The following CTNNA3 variants were observed in gnomAD, a reference collection of about 807,000 sequenced individuals.
CTNNA3 encodes the protein catenin alpha-3.
CTNNA3 carries 76 observed loss-of-function variants against 95.7 expected under a neutral mutation model. The ratio of observed to expected loss-of-function variants is 0.79; its 90% CI spans 0.66 to 0.96. CTNNA3 has a LOEUF of 0.96. CTNNA3 is among the 40% of genes least tolerant of loss of function. The pLI, the probability that CTNNA3 is intolerant of heterozygous loss-of-function variation, is 0.00. For missense variants in CTNNA3, 1,191 were observed against 1,089.8 expected (o/e 1.09, Z -1.31); for synonymous variants, 431 against 374.4 (o/e 1.15, Z -1.74).
chr10:66,267,061 G>A (rs868071697), intron 13 of CTNNA3, among the ~76,000 whole-genome samples: 14 of 151,780 alleles, frequency 9.2e-5, no homozygotes, highest in African/African-American at 2.4e-4. Flanking sequence ...AATATTAGGC[G>A]GCTTAAGGCA....
rs770328899 is a variant in CTNNA3 at position 65,920,163 on chromosome 10, T to G, written c.*167A>C. On this transcript the variant is annotated 3_prime_UTR_variant, in exon 18 of 18. Transcript: ENST00000433211. ...TGACCATACAGAAATGACAGTGATA[T>G]GATCCCAAATATATATTGCTTTTGT... 3.2e-6 allele frequency: 2 copies of G among 616,732 alleles called. No homozygotes were observed. The highest frequency in any genetic ancestry group is 2.0e-5 in the South Asian group (1 of 49,280). 38.2% of individuals were successfully genotyped at this position (616,732 alleles called of 1,614,324 possible).
At chr10:66,495,216 A>G (rs1401242539) in intron 11 of CTNNA3, among the ~76,000 whole-genome samples, 1 of 152,218 alleles carries the variant, frequency 6.6e-6, no homozygotes, top group Non-Finnish European at 1.5e-5. Flanking sequence ...TGGCTAGCCC[A>G]TAAACTCTCA....
chr10:67,473,192 A>T (rs1847890181), intron 5 of CTNNA3, among the ~76,000 whole-genome samples: 1 of 152,192 alleles, frequency 6.6e-6, no homozygotes. Flanking sequence ...TCTGGCTAAG[A>T]TCATCCTTTT....
intron 9 of CTNNA3, among the ~76,000 whole-genome samples, chr10:66,644,280 GTCTGTCTGTCTGTC>G (rs1289473829): frequency 2.1e-5 from 2 of 96,438 alleles, no homozygotes; most frequent in African/African-American, 5.1e-5. Flanking sequence ...CTGTCTGTCT[GTCTGTCTGTCTGTC>G]TCTCTCTCTC....
intron 1 of CTNNA3, among the ~76,000 whole-genome samples, chr10:67,660,563 T>A (rs1194561860): frequency 6.6e-6 from 1 of 152,194 alleles, no homozygotes; most frequent in East Asian, 1.9e-4. Flanking sequence ...TGAGGTTGAA[T>A]GCAATTTCTC....
chr10:67,118,271 C>A (rs1169631212), intron 7 of CTNNA3, among the ~76,000 whole-genome samples: 1 of 151,880 alleles, frequency 6.6e-6, no homozygotes. Context: ...TGTGGTTTCC[C>A]AAACCACATG....
intron 7 of CTNNA3, among the ~76,000 whole-genome samples, chr10:66,794,175 G>GA (rs5785788): frequency 0.25 from 37,413 of 151,898 alleles, 5,323 homozygotes; most frequent in African/African-American, 0.4. Context: ...ATGTAAATAA[G>GA]CCCCACAAAA....
chr10:67,594,759 G>A (rs1842888557), intron 3 of CTNNA3, among the ~76,000 whole-genome samples: 1 of 151,966 alleles, frequency 6.6e-6, no homozygotes. Flanking sequence ...GAGTTTTGGA[G>A]GAACAGGTGG....
chr10:66,040,368 A>G (rs1486005298), intron 15 of CTNNA3, among the ~76,000 whole-genome samples: 1 of 152,132 alleles, frequency 6.6e-6, no homozygotes, highest in Non-Finnish European at 1.5e-5. Context: ...CAGCAATTCC[A>G]TTACTGGGTA....
intron 12 of CTNNA3, among the ~76,000 whole-genome samples, chr10:66,339,908 C>T (rs1429468624): frequency 1.3e-5 from 2 of 151,768 alleles, no homozygotes; most frequent in African/African-American, 4.8e-5. Context: ...CCATAATTTG[C>T]TGGATTTATC....
At chr10:67,274,741 T>G (rs1589115826) in intron 5 of CTNNA3, among the ~76,000 whole-genome samples, 3 of 152,146 alleles carry the variant, frequency 2.0e-5, no homozygotes, top group Admixed American at 2.0e-4. Context: ...GATAAGAGGA[T>G]TCCTTGAGCC....
At chr10:67,189,139 CAACA>C (rs762663400) in intron 6 of CTNNA3, among the ~76,000 whole-genome samples, 3 of 121,960 alleles carry the variant, frequency 2.5e-5, no homozygotes, top group Non-Finnish European at 4.7e-5. Flanking sequence ...ACAACAACAA[CAACA>C]AAAAAAAAAA....
chr10:67,630,041 A>T (rs1839090197), intron 2 of CTNNA3, among the ~76,000 whole-genome samples: 1 of 152,186 alleles, frequency 6.6e-6, no homozygotes, highest in South Asian at 2.1e-4. Context: ...CTCATGGCAG[A>T]GCACGTCACA....
At chr10:67,311,500 G>C (rs1042434502) in intron 5 of CTNNA3, among the ~76,000 whole-genome samples, 1 of 152,278 alleles carries the variant, frequency 6.6e-6, no homozygotes, top group East Asian at 1.9e-4. Flanking sequence ...CTATAAAAAG[G>C]CAGACAGAAA....
chr10:67,736,027 A>T (rs529252741), intron 1 of CTNNA3, among the ~76,000 whole-genome samples: 1 of 152,340 alleles, frequency 6.6e-6, no homozygotes, highest in Admixed American at 6.5e-5. Context: ...AACAGCCAAA[A>T]GCTAAAAGCA....
intron 9 of CTNNA3, among the ~76,000 whole-genome samples, chr10:66,736,705 A>T (rs1203341701): frequency 6.6e-6 from 1 of 151,962 alleles, no homozygotes; most frequent in African/African-American, 2.4e-5. Context: ...TATATTTACA[A>T]TATATATTTT....
At chr10:66,683,759 CT>C (rs1431454394) in intron 9 of CTNNA3, among the ~76,000 whole-genome samples, 1 of 152,108 alleles carries the variant, frequency 6.6e-6, no homozygotes, top group African/African-American at 2.4e-5. Context: ...TTGGCAAAAT[CT>C]TGAATGACAG....
At chr10:66,710,461 G>C (rs981910817) in intron 9 of CTNNA3, among the ~76,000 whole-genome samples, 1 of 151,866 alleles carries the variant, frequency 6.6e-6, no homozygotes, top group African/African-American at 2.4e-5. Context: ...TTAATGATAT[G>C]CTCCACTGCT....
At chr10:67,378,191 C>G (rs1262659655) in intron 5 of CTNNA3, among the ~76,000 whole-genome samples, 1 of 152,082 alleles carries the variant, frequency 6.6e-6, no homozygotes, top group African/African-American at 2.4e-5. Flanking sequence ...TTCCAAACCT[C>G]AAACTGGGAC....
Sources: allele counts gnomAD v4.1 joint callset (sites outside exome capture counted in the v4.1 genomes callset), GRCh38; gene constraint gnomAD v4.1.1; transcripts MANE v1.5; gene names NCBI Gene and HGNC (gene_info 2026-07-23, HGNC 2026-07-21).